The following FGF14 variants were observed in gnomAD, a reference collection of about 807,000 sequenced individuals.
The protein encoded by FGF14 is fibroblast growth factor 14.
A neutral mutation model predicts 25.5 loss-of-function variants in FGF14; 5 were observed. That is an observed-to-expected ratio of 0.20 (90% confidence interval 0.10 to 0.41). The LOEUF (loss-of-function observed/expected upper bound fraction) is 0.41. Among genes scored for constraint, FGF14 ranks in the 10% least tolerant of loss-of-function variants. The probability of loss-of-function intolerance (pLI) is 1.00; values close to 1 mark genes in which losing one functional copy is unlikely to be tolerated. For synonymous variants in FGF14, 138 were observed against 118.3 expected (o/e 1.17, Z -1.08); for missense variants, 222 against 320.1 (o/e 0.69, Z 2.34).
At position 102,306,363 on chromosome 13, in the gene FGF14, T is replaced by C. The variant is rs140263430; in HGVS notation, c.208+95108A>G. ...TCAGTGGGAGATTCAAGCATACGCATAGACATTGCAGGGCAGGGAAGACAT... is the reference window on the plus strand; with the variant it reads ...TCAGTGGGAGATTCAAGCATACGCACAGACATTGCAGGGCAGGGAAGACAT... On this transcript the variant is annotated intron_variant, in intron 1 of 4. Coordinates refer to the FGF14 transcript ENST00000376131. Among the ~76,000 whole-genome samples, 548 of 152,230 alleles carry C rather than the reference T, an allele frequency of 3.6e-3. 2 individuals are homozygous for C. The highest frequency in any genetic ancestry group is 5.6e-3 in the Non-Finnish European group (379 of 68,006).
rs116322527 is a variant in FGF14, at chr13:102,045,931, A to T, written c.209-170635T>A. The T allele has an allele frequency of 2.3e-3, 347 of 154,214 alleles. 2 individuals are homozygous for T. The highest frequency in any genetic ancestry group is 7.8e-3 in the African/African-American group (326 of 41,632). The allele number at this position is 154,214 out of a possible 1,614,324, so 9.6% of individuals were successfully genotyped here. A position where few individuals can be genotyped will look rare whatever the true frequency, so the allele number is the denominator to read the frequency against. On this transcript the variant is annotated intron_variant, in intron 1 of 4. Coordinates refer to the FGF14 transcript ENST00000376131. ...GAATGGCTAGAAGAGCTGAACAAGC[A>T]TTCTCACAAAACCAATCACTTGGTA...
intron 3 of FGF14, among the ~76,000 whole-genome samples, chr13:101,813,467 A>G (rs1476352695): frequency 1.3e-5 from 2 of 152,110 alleles, no homozygotes; most frequent in African/African-American, 4.8e-5. Context: ...CCACTCTACC[A>G]TTAGATGATG....
intron 1 of FGF14, among the ~76,000 whole-genome samples, chr13:101,897,262 A>C (rs1240435887): frequency 6.6e-6 from 1 of 152,228 alleles, no homozygotes; most frequent in East Asian, 1.9e-4. Flanking sequence ...TTGTGAGTTA[A>C]GCAGAATAGA....
intron 1 of FGF14, among the ~76,000 whole-genome samples, chr13:102,048,019 A>T (rs926019956): frequency 1.6e-5 from 2 of 128,420 alleles, no homozygotes; most frequent in African/African-American, 3.5e-5. Context: ...TTAGTTGTTT[A>T]AAAAAAAAAA....
At position 102,247,048 on chromosome 13, in the gene FGF14, T is replaced by A. The variant is rs557064035; in HGVS notation, c.208+154423A>T. 2.6e-5 allele frequency among the ~76,000 whole-genome samples: 4 copies of A among 152,198 alleles called. No homozygotes were observed. In the South Asian group the frequency reaches 8.3e-4, roughly 31 times the overall value. On this transcript the variant is annotated intron_variant, in intron 1 of 4. Coordinates refer to the FGF14 transcript ENST00000376131. ...AACTTGTTAGCCATATGCAGAAGAC[T>A]GAAACTGGACCACTTCCTTACACCA...
intron 1 of FGF14, among the ~76,000 whole-genome samples, chr13:102,312,812 C>T (rs937417489): frequency 6.6e-6 from 1 of 152,180 alleles, no homozygotes; most frequent in Non-Finnish European, 1.5e-5. Flanking sequence ...ACAACATCCT[C>T]AGAGACATAT....
intron 1 of FGF14, among the ~76,000 whole-genome samples, chr13:101,934,412 T>C (rs1413732536): frequency 6.6e-6 from 1 of 152,104 alleles, no homozygotes; most frequent in African/African-American, 2.4e-5. Context: ...GTGGTATCTA[T>C]AGATATCAGA....
intron 1 of FGF14, among the ~76,000 whole-genome samples, chr13:102,255,608 G>A (rs1409469792): frequency 6.6e-6 from 1 of 152,114 alleles, no homozygotes; most frequent in Non-Finnish European, 1.5e-5. Context: ...TATAAATGAG[G>A]CAAGATTACA....
intron 1 of FGF14, among the ~76,000 whole-genome samples, chr13:102,077,189 A>G (rs1055935964): frequency 5.1e-4 from 78 of 152,316 alleles, no homozygotes; most frequent in African/African-American, 1.7e-3. Flanking sequence ...CAAGTTATAA[A>G]CCACTAGAAG....
chr13:101,840,069 C>T (rs981568390), intron 3 of FGF14, among the ~76,000 whole-genome samples: 1 of 151,960 alleles, frequency 6.6e-6, no homozygotes, highest in Admixed American at 6.6e-5. Context: ...TCAATCTCTT[C>T]TTGGCAAATG....
intron 1 of FGF14, among the ~76,000 whole-genome samples, chr13:102,049,009 A>T (rs188762285): frequency 1.3e-3 from 197 of 152,312 alleles, no homozygotes; most frequent in African/African-American, 4.4e-3. Context: ...AGATTCCAAG[A>T]AAGGGCAAAA....
At chr13:101,932,981 C>T (rs904451356) in intron 1 of FGF14, among the ~76,000 whole-genome samples, 9 of 152,058 alleles carry the variant, frequency 5.9e-5, no homozygotes, top group Admixed American at 5.9e-4. Context: ...GTCCTGAAGT[C>T]CTATTTCTTC....
chr13:102,054,082 C>G (rs918945286), intron 1 of FGF14, among the ~76,000 whole-genome samples: 2 of 152,234 alleles, frequency 1.3e-5, no homozygotes, highest in African/African-American at 4.8e-5. Context: ...ATAGATTTTG[C>G]AGCATCCTTA....
chr13:102,276,767 T>C (rs2053572077), intron 1 of FGF14, among the ~76,000 whole-genome samples: 1 of 152,168 alleles, frequency 6.6e-6, no homozygotes, highest in Non-Finnish European at 1.5e-5. Context: ...ACAGGAATGA[T>C]ATGTTTAGTT....
rs185031649 is a variant in FGF14 at position 102,218,345 on chromosome 13, C to T, written c.208+183126G>A. 1.4e-4 allele frequency among the ~76,000 whole-genome samples: 22 copies of T among 152,154 alleles called. 1 individual carries two copies. In the East Asian group the frequency reaches 4.1e-3, roughly 28 times the overall value. ...GACCTTGACTCCACAAGAAAAGGGT[C>T]TACCAGGCCCACGCTGGACCTGCAG... On this transcript the variant is annotated intron_variant, in intron 1 of 4. Transcript: ENST00000376131.
rs1566311367 is a variant in FGF14, at chr13:101,850,499, T to TG, written c.408+18225_408+18226insC. On this transcript the variant is annotated intron_variant, in intron 3 of 4. Transcript: ENST00000376143. ...ATATATATATATATATATATATATA[T>TG]ATATATATATATATAGAATTATATA... 3.8e-3 allele frequency among the ~76,000 whole-genome samples: 11 copies of TG among 2,924 alleles called. 1 individual carries two copies. The highest frequency in any genetic ancestry group is 0.01 in the African/African-American group (10 of 972). 1.9% of individuals were successfully genotyped at this position (2,924 alleles called of 152,430 possible). A position where few individuals can be genotyped will look rare whatever the true frequency, so the allele number is the denominator to read the frequency against.
At chr13:101,809,626 G>T (rs531898970) in intron 3 of FGF14, among the ~76,000 whole-genome samples, 1 of 152,174 alleles carries the variant, frequency 6.6e-6, no homozygotes, top group East Asian at 1.9e-4. Flanking sequence ...TCCCACTCTG[G>T]ATCTAGGGCA....
chr13:102,221,722 T>C (rs2050622324), intron 1 of FGF14, among the ~76,000 whole-genome samples: 1 of 152,182 alleles, frequency 6.6e-6, no homozygotes, highest in Non-Finnish European at 1.5e-5. Context: ...GAAAGTCATG[T>C]TGAAGTTCAA....
chr13:101,852,513 T>C (rs1335445976), intron 3 of FGF14, among the ~76,000 whole-genome samples: 2 of 152,104 alleles, frequency 1.3e-5, no homozygotes, highest in Non-Finnish European at 2.9e-5. Context: ...GTAACACCAT[T>C]TGCGTATGTG....
Sources: allele counts gnomAD v4.1 joint callset (sites outside exome capture counted in the v4.1 genomes callset), GRCh38; gene constraint gnomAD v4.1.1; transcripts MANE v1.5; gene names NCBI Gene and HGNC (gene_info 2026-07-23, HGNC 2026-07-21).